Variants in LMLN observed in about 807,000 individuals in gnomAD.
LMLN encodes the protein leishmanolysin-like peptidase.
Under a neutral mutation model 92.3 loss-of-function variants are expected in LMLN, and 70 were observed. The observed-to-expected ratio is 0.76, with a 90% CI of 0.63 to 0.92. The LOEUF (loss-of-function observed/expected upper bound fraction) is 0.92. LMLN is among the 40% of genes least tolerant of loss of function. The probability of loss-of-function intolerance (pLI) is 0.00; values close to 1 mark genes in which losing one functional copy is unlikely to be tolerated. For missense variants in LMLN, 691 were observed against 814.6 expected (o/e 0.85, Z 1.85); for synonymous variants, 308 against 296.2 (o/e 1.04, Z -0.41).
At chr3:198,027,469 A>G (rs960872139) in intron 14 of LMLN, among the ~76,000 whole-genome samples, 3 of 152,066 alleles carry the variant, frequency 2.0e-5, no homozygotes, top group African/African-American at 7.2e-5. Flanking sequence ...GCACATTGCC[A>G]CCGAGCGTCT....
intron 15 of LMLN, 21 bp downstream of exon 16, chr3:198,036,064 G>A (rs756656461): frequency 6.3e-7 from 1 of 1,596,060 alleles, no homozygotes; most frequent in Non-Finnish European, 8.6e-7. Flanking sequence ...TCTATGGTTG[G>A]AATAAAGAGG....
intron 14 of LMLN, among the ~76,000 whole-genome samples, chr3:198,028,406 T>C (rs904514162): frequency 1.3e-5 from 2 of 152,214 alleles, no homozygotes; most frequent in Non-Finnish European, 2.9e-5. Context: ...AAGTTAAAGA[T>C]TGGCTATCTG....
rs145784313 is a variant in LMLN, at chr3:198,025,800, T to C, written c.1656+1012T>C. The stretch of plus-strand genomic sequence containing the variant: ...GAATGAATCTTCTGCACCCTACAAA[T>C]GGATGTCAGGGAGGACAGCGTAAGC... On this transcript the variant is annotated intron_variant, in intron 14 of 15. Coordinates refer to ENST00000330198, the Ensembl canonical transcript of LMLN. The surrounding 1 kb of genome is among the most constrained non-coding windows in gnomAD (Gnocchi z 4.3). Among the ~76,000 whole-genome samples the C allele has an allele frequency of 2.0e-5, 3 of 152,332 alleles. No individual in the cohort carries two copies. The highest frequency in any genetic ancestry group is 2.9e-5 in the Non-Finnish European group (2 of 68,038).
At chr3:198,022,155 A>G (rs1225405767) in intron 13 of LMLN, among the ~76,000 whole-genome samples, 1 of 152,234 alleles carries the variant, frequency 6.6e-6, no homozygotes, top group Non-Finnish European at 1.5e-5. Context: ...TATGTAAGAT[A>G]GAAGCAACAT....
chr3:198,001,104 G>A (rs766528478), intron 11 of LMLN, among the ~76,000 whole-genome samples: 7 of 151,978 alleles, frequency 4.6e-5, no homozygotes, highest in South Asian at 2.1e-4. Flanking sequence ...AAACCTTCCC[G>A]AATTCTTCAG....
intron 8 of LMLN, among the ~76,000 whole-genome samples, chr3:197,987,137 G>A (rs940249163): frequency 6.8e-6 from 1 of 146,660 alleles, no homozygotes; most frequent in Non-Finnish European, 1.5e-5. Context: ...ACCGCACCCG[G>A]CCTATGTTTA....
chr3:197,964,993 G>A (rs1273546568), intron 1 of LMLN, among the ~76,000 whole-genome samples: 1 of 148,244 alleles, frequency 6.7e-6, no homozygotes, highest in Non-Finnish European at 1.5e-5. Flanking sequence ...GGCGACAAGA[G>A]CGAAACTCTG....
intron 3 of LMLN, among the ~76,000 whole-genome samples, chr3:197,975,766 T>G (rs1297456008): frequency 6.6e-6 from 1 of 152,196 alleles, no homozygotes; most frequent in African/African-American, 2.4e-5. Context: ...GATATATGTT[T>G]TCTGGCTTTC....
chr3:198,032,953 A>G (rs529057850), intron 14 of LMLN, among the ~76,000 whole-genome samples: 4 of 152,170 alleles, frequency 2.6e-5, no homozygotes, highest in African/African-American at 7.2e-5. Flanking sequence ...TCTTGGTACC[A>G]GGTGTGGCTG....
rs547037533 is a variant in LMLN at position 197,960,295 on chromosome 3, G to A, written c.74G>A (p.Gly25Asp). 18 of 1,613,828 alleles carry A rather than the reference G, an allele frequency of 1.1e-5. No individual in the cohort carries two copies. In the Admixed American group the frequency reaches 2.8e-4, roughly 25 times the overall value. The change falls in exon 1 of 16, where the codon GGC (glycine) becomes GAC (aspartate). Residue 25 changes from glycine (G) to aspartate (D), a missense_variant. Physicochemically the swap from Gly to Asp is moderately conservative, Grantham distance 94. Around this residue, in one of 4 missense-constraint regions of LMLN, gnomAD observed 91 missense variants for 52.5 expected, o/e 1.73. Coordinates refer to ENST00000330198, the Ensembl canonical transcript of LMLN. The stretch of plus-strand genomic sequence containing the variant: ...GTGGGTTACTCGGGCTCAGGCCCGG[G>A]CCGGAGCCGGTGGCGCTGGAGCGGG...
chr3:198,035,771 CTT>C (rs1723202218), intron 14 of LMLN, 60 bp from the exon 16 acceptor site: 2 of 1,275,084 alleles, frequency 1.6e-6, no homozygotes, highest in Non-Finnish European at 2.2e-6. Flanking sequence ...GGAGAAATCT[CTT>C]AGAATCTTAC....
chr3:198,035,400 G>C (rs190281959), intron 14 of LMLN, among the ~76,000 whole-genome samples: 27 of 125,196 alleles, frequency 2.2e-4, no homozygotes, highest in African/African-American at 7.9e-4. Context: ...GTCTCGCTCT[G>C]TTGGCAGGCT....
At chr3:197,962,711 T>C (rs990566376) in intron 1 of LMLN, among the ~76,000 whole-genome samples, 3 of 152,108 alleles carry the variant, frequency 2.0e-5, no homozygotes, top group African/African-American at 7.2e-5. Context: ...ACTTTTAGGA[T>C]TATGATTCAT....
chr3:197,969,269 A>AT (rs1416931230), intron 1 of LMLN, among the ~76,000 whole-genome samples: 2 of 147,094 alleles, frequency 1.4e-5, no homozygotes, highest in African/African-American at 5.0e-5. Context: ...TGAGTTTAAT[A>AT]TATATATATT....
chr3:198,007,434 T>C (rs564403934), intron 11 of LMLN, among the ~76,000 whole-genome samples: 121 of 151,170 alleles, frequency 8.0e-4, no homozygotes, highest in Middle Eastern at 3.4e-3. Context: ...TTGAAAAGGC[T>C]ATCTTTCCTT....
At position 197,971,881 on chromosome 3, in the gene LMLN, C is replaced by T. The variant is rs140814959; in HGVS notation, c.220-2496C>T. Among the ~76,000 whole-genome samples the T allele has an allele frequency of 2.7e-3, 407 of 150,738 alleles. 5 individuals carry two copies. Among genetic ancestry groups the T allele is most frequent in the African/African-American group, 8.9e-3 (365 of 41,076 alleles). ...TATTCTGTCTCATATTTTCTCCTGT[C>T]CTTATAGGACTCTAATTACCTATCT... On this transcript the variant is annotated intron_variant, in intron 1 of 15. Transcript: ENST00000330198.
chr3:198,024,894 T>C, intron 14 of LMLN, 106 bp downstream of exon 15: 1 of 819,710 alleles, frequency 1.2e-6, no homozygotes, highest in Non-Finnish European at 1.8e-6. Flanking sequence ...ATTAATTTAC[T>C]GATCAATACT....
At chr3:197,996,677 A>C (rs1668781632) in intron 10 of LMLN, 1 of 153,362 alleles carries the variant, frequency 6.5e-6, no homozygotes, top group African/African-American at 2.4e-5. Context: ...ACTAACAGAA[A>C]CAAATAAGTC....
Position 198,024,647 on chromosome 3 carries a change from C to A in LMLN, c.1526-11C>A. On this transcript the variant is annotated splice_polypyrimidine_tract_variant and intron_variant, in intron 13 of 15. Coordinates refer to ENST00000330198, the Ensembl canonical transcript of LMLN. ...GTCAATTTTTAAGGAGACTTTTCTT[C>A]TTTGCCTCAGAAATTTTTAAGAACT... 6.4e-7 allele frequency: 1 copy of A among 1,553,414 alleles called. No individual in the cohort carries two copies. Among genetic ancestry groups the A allele is most frequent in the South Asian group, 1.3e-5 (1 of 79,562 alleles).
Sources: allele counts gnomAD v4.1 joint callset (sites outside exome capture counted in the v4.1 genomes callset), GRCh38; gene constraint gnomAD v4.1.1; regional missense constraint gnomAD v4.1.1; non-coding constraint Gnocchi (gnomAD v3.1); transcripts MANE v1.5; gene names NCBI Gene and HGNC (gene_info 2026-07-23, HGNC 2026-07-21).